SYT1: variants seen among roughly 807,000 people sequenced by gnomAD.
SYT1 encodes the protein synaptotagmin-1.
SYT1 carries 8 observed loss-of-function variants against 44.8 expected under a neutral mutation model. The observed-to-expected ratio is 0.18, with a 90% CI of 0.10 to 0.32. The LOEUF is 0.32. Among genes scored for constraint, SYT1 ranks in the 10% least tolerant of loss-of-function variants. The probability of loss-of-function intolerance (pLI) is 1.00; values close to 1 mark genes in which losing one functional copy is unlikely to be tolerated. For missense variants in SYT1, 286 were observed against 509.3 expected, an observed-to-expected ratio of 0.56 and a Z score of 4.22; for synonymous variants, 154 against 188.8, an observed-to-expected ratio of 0.82 and a Z score of 1.51.
At chr12:79,075,969 A>G (rs1435387195) in intron 3 of SYT1, among the ~76,000 whole-genome samples, 2 of 152,190 alleles carry the variant, frequency 1.3e-5, no homozygotes, top group African/African-American at 4.8e-5. Context: ...TGAGGCCTTT[A>G]TAACAAAAGT....
intron 9 of SYT1, among the ~76,000 whole-genome samples, chr12:79,373,940 C>T (rs1883891976): frequency 6.6e-6 from 1 of 152,176 alleles, no homozygotes; most frequent in Non-Finnish European, 1.5e-5. Context: ...AGGCAACATG[C>T]TCATTTTGTG....
chr12:78,926,985 A>G (rs902301156), intron 1 of SYT1, among the ~76,000 whole-genome samples: 3 of 152,122 alleles, frequency 2.0e-5, no homozygotes, highest in African/African-American at 7.2e-5. Flanking sequence ...ATATTAATAG[A>G]TATCCAGTTT....
intron 1 of SYT1, among the ~76,000 whole-genome samples, chr12:78,919,789 C>T (rs930322966): frequency 3.3e-5 from 5 of 151,998 alleles, no homozygotes; most frequent in South Asian, 2.1e-4. Flanking sequence ...TGTGTTAGTA[C>T]GTCTCTGGAT....
intron 2 of SYT1, among the ~76,000 whole-genome samples, chr12:79,028,519 G>A (rs138035077): frequency 2.2e-4 from 34 of 151,246 alleles, no homozygotes; most frequent in African/African-American, 3.4e-4. Flanking sequence ...GTCCCTGTGC[G>A]CACTGTGGGC....
intron 4 of SYT1, among the ~76,000 whole-genome samples, chr12:79,232,533 A>C (rs557639730): frequency 6.6e-6 from 1 of 152,256 alleles, no homozygotes; most frequent in South Asian, 2.1e-4. Context: ...TAGCTTGTCT[A>C]CCTAGACTCC....
chr12:79,424,358 G>A (rs1363224477), intron 9 of SYT1, among the ~76,000 whole-genome samples: 5 of 151,998 alleles, frequency 3.3e-5, no homozygotes, highest in African/African-American at 1.2e-4. Context: ...ACAAACAAAT[G>A]CCATGGATGT....
At chr12:79,131,431 A>G (rs1412802021) in intron 3 of SYT1, among the ~76,000 whole-genome samples, 6 of 152,172 alleles carry the variant, frequency 3.9e-5, no homozygotes, top group African/African-American at 1.4e-4. Context: ...GTGTGTTGTG[A>G]TAACTTAAAA....
At chr12:79,209,099 TGCCATAAGTCA>T (rs1201621052) in intron 3 of SYT1, among the ~76,000 whole-genome samples, 1 of 152,218 alleles carries the variant, frequency 6.6e-6, no homozygotes, top group Non-Finnish European at 1.5e-5. Context: ...TTGGAACTAC[TGCCATAAGTCA>T]GCTCTCATCC....
At chr12:79,051,424 AAG>A (rs1317452133) in intron 3 of SYT1, among the ~76,000 whole-genome samples, 3 of 150,408 alleles carry the variant, frequency 2.0e-5, no homozygotes, top group Admixed American at 6.7e-5. Context: ...TATATGTATA[AAG>A]AGAGAGGTAA....
At chr12:79,140,703 A>G (rs982695305) in intron 3 of SYT1, among the ~76,000 whole-genome samples, 6 of 152,136 alleles carry the variant, frequency 3.9e-5, no homozygotes, top group Admixed American at 2.0e-4. Context: ...TAGTTTTACA[A>G]GCTCCTCATA....
intron 2 of SYT1, among the ~76,000 whole-genome samples, chr12:79,039,345 G>C (rs1477674822): frequency 6.6e-6 from 1 of 151,938 alleles, no homozygotes; most frequent in Non-Finnish European, 1.5e-5. Context: ...AAACATAAAA[G>C]TATCAAGCCT....
intron 4 of SYT1, among the ~76,000 whole-genome samples, chr12:79,229,829 G>A (rs891703849): frequency 8.6e-5 from 13 of 151,762 alleles, no homozygotes; most frequent in Non-Finnish European, 1.5e-4. Context: ...TCCTGACCTC[G>A]GGTGATCCAC....
At chr12:78,976,995 G>A (rs1012053446) in intron 1 of SYT1, among the ~76,000 whole-genome samples, 3 of 151,636 alleles carry the variant, frequency 2.0e-5, no homozygotes, top group Admixed American at 2.0e-4. Context: ...AGAAATATGG[G>A]GCAAAATTTT....
intron 10 of SYT1, among the ~76,000 whole-genome samples, chr12:79,448,297 AT>A (rs1312304601): frequency 6.6e-6 from 1 of 152,208 alleles, no homozygotes; most frequent in Non-Finnish European, 1.5e-5. Context: ...TGAGAAAAAA[AT>A]ATCTTTATTA....
chr12:79,219,777 T>C (rs1310384027), intron 4 of SYT1, among the ~76,000 whole-genome samples: 2 of 152,102 alleles, frequency 1.3e-5, no homozygotes, highest in African/African-American at 2.4e-5. Flanking sequence ...CTCTGTACTA[T>C]ATTTCGAAGT....
At chr12:79,356,151 G>C (rs1883104228) in intron 9 of SYT1, among the ~76,000 whole-genome samples, 1 of 150,630 alleles carries the variant, frequency 6.6e-6, no homozygotes, top group Non-Finnish European at 1.5e-5. Context: ...CTGGGAGAGA[G>C]AACAGCCATG....
At chr12:79,376,217 A>T (rs1883989649) in intron 9 of SYT1, among the ~76,000 whole-genome samples, 2 of 152,154 alleles carry the variant, frequency 1.3e-5, no homozygotes, top group Admixed American at 1.3e-4. Context: ...GCGAGTCTGC[A>T]GTGCACAGTG....
chr12:78,987,088 G>A lies in SYT1; in HGVS notation c.-84+9157G>A, dbSNP rs371450554. Among the ~76,000 whole-genome samples, 11 of 151,926 alleles carry A rather than the reference G, an allele frequency of 7.2e-5. No individual in the cohort carries two copies. The East Asian group carries it at 1.2e-3, about 16-fold the overall frequency. On this transcript the variant is annotated intron_variant, in intron 2 of 10. Transcript: ENST00000261205. ...ACCTTAAATTTCAGATGCTTCCATCGTTCAAAATATTCTGCTGTTTGTTTG... is the reference window on the plus strand; with the variant it reads ...ACCTTAAATTTCAGATGCTTCCATCATTCAAAATATTCTGCTGTTTGTTTG...
chr12:79,041,214 C>G (rs936359754), intron 2 of SYT1, among the ~76,000 whole-genome samples: 1 of 151,974 alleles, frequency 6.6e-6, no homozygotes, highest in African/African-American at 2.4e-5. Flanking sequence ...TTACCTTGGG[C>G]AGTATGGCCA....
Sources: allele counts gnomAD v4.1 joint callset (sites outside exome capture counted in the v4.1 genomes callset), GRCh38; gene constraint gnomAD v4.1.1; transcripts MANE v1.5; gene names NCBI Gene and HGNC (gene_info 2026-07-23, HGNC 2026-07-21).